MICAL3: variants seen among roughly 807,000 people sequenced by gnomAD.
MICAL3 encodes [F-actin]-monooxygenase MICAL3.
Under a neutral mutation model 207.4 loss-of-function variants are expected in MICAL3, and 62 were observed. The observed-to-expected ratio is 0.30, with a 90% CI of 0.24 to 0.37. The LOEUF is 0.37. Among genes scored for constraint, MICAL3 ranks in the 10% least tolerant of loss-of-function variants. MICAL3 has a pLI of 1.00. For synonymous variants in MICAL3, 1,077 were observed against 1,069.3 expected (o/e 1.01, Z -0.14); for missense variants, 2,368 against 2,635.6 (o/e 0.90, Z 2.22).
intron 1 of MICAL3, among the ~76,000 whole-genome samples, chr22:17,976,339 A>G (rs886958219): frequency 1.3e-5 from 2 of 152,040 alleles, no homozygotes; most frequent in African/African-American, 4.8e-5. Flanking sequence ...AGTTAAGGTT[A>G]CACTGGGAAA....
At chr22:17,866,492 CCTAT>C (rs1018931577) in intron 17 of MICAL3, among the ~76,000 whole-genome samples, 3 of 152,216 alleles carry the variant, frequency 2.0e-5, no homozygotes, top group Admixed American at 6.5e-5. Context: ...CCTCCCGCAC[CCTAT>C]CTCTCACCCC....
At chr22:17,905,775 G>A (rs142985871) in intron 2 of MICAL3, among the ~76,000 whole-genome samples, 368 of 152,258 alleles carry the variant, frequency 2.4e-3, no homozygotes, top group Non-Finnish European at 4.2e-3. Flanking sequence ...CTCCATATCC[G>A]CTTCCTCGCA....
chr22:17,841,857 C>A lies in MICAL3; in HGVS notation c.2766G>T (p.Val922=), dbSNP rs1924049050. Residue 922 remains valine, a synonymous_variant, in exon 20 of 32, where the codon GTG becomes GTT. Transcript: ENST00000441493. The surrounding 1 kb of genome is among the most constrained non-coding windows in gnomAD (Gnocchi z 4.2). ...ETQAEHNLSS[V]LDTGAEEDVA... ...CGTCCTCCTCGGCGCCCGTGTCCAG[C>A]ACGCTGCTCAGGTTGTGCTCGGCCT... 6.4e-7 allele frequency: 1 copy of A among 1,566,604 alleles called. No homozygotes were observed. The highest frequency in any genetic ancestry group is 2.4e-5 in the East Asian group (1 of 42,116).
At chr22:17,952,797 A>G (rs1274951346) in intron 1 of MICAL3, among the ~76,000 whole-genome samples, 1 of 152,168 alleles carries the variant, frequency 6.6e-6, no homozygotes, top group African/African-American at 2.4e-5. Context: ...TGGAAAGAAC[A>G]CTGGGACTTG....
At chr22:17,907,600 A>G (rs1186156368) in intron 1 of MICAL3, among the ~76,000 whole-genome samples, 1 of 152,220 alleles carries the variant, frequency 6.6e-6, no homozygotes, top group Non-Finnish European at 1.5e-5. Context: ...GTAGCTAAGC[A>G]TACAAAAGCA....
chr22:17,926,716 C>G (rs968760246), intron 1 of MICAL3, among the ~76,000 whole-genome samples: 3 of 152,336 alleles, frequency 2.0e-5, no homozygotes, highest in African/African-American at 7.2e-5. Flanking sequence ...GAGGCGTGGG[C>G]GTGCAGGCAA....
intron 22 of MICAL3, 142 bp downstream of exon 22, chr22:17,827,502 C>T (rs1396555220): frequency 3.8e-6 from 3 of 799,906 alleles, no homozygotes; most frequent in East Asian, 2.8e-5. Flanking sequence ...TCACAACTGA[C>T]AGCAGCAAAG....
chr22:17,904,260 T>A (rs930528877), intron 3 of MICAL3, among the ~76,000 whole-genome samples: 1 of 152,244 alleles, frequency 6.6e-6, no homozygotes, highest in Non-Finnish European at 1.5e-5. Context: ...TGTGTACTTC[T>A]GCCACTGCAA....
chr22:17,905,758 T>C (rs1351662751), intron 2 of MICAL3, among the ~76,000 whole-genome samples: 1 of 152,198 alleles, frequency 6.6e-6, no homozygotes, highest in Non-Finnish European at 1.5e-5. Flanking sequence ...AAGCAGGAAA[T>C]GTACCTCTCC....
intron 27 of MICAL3, chr22:17,812,534 C>T (rs2145994313): frequency 1.0e-6 from 1 of 985,796 alleles, no homozygotes; most frequent in Non-Finnish European, 1.2e-6. Flanking sequence ...TCCTGAATGC[C>T]AAGGCGTGTG....
intron 19 of MICAL3, chr22:17,863,461 TGA>T: frequency 9.1e-6 from 9 of 985,476 alleles, no homozygotes; most frequent in Non-Finnish European, 1.1e-5. Flanking sequence ...GCCCATGCTC[TGA>T]GAGTGTCAGC....
At chr22:17,854,084 T>C (rs758305209) in intron 19 of MICAL3, among the ~76,000 whole-genome samples, 7 of 152,218 alleles carry the variant, frequency 4.6e-5, no homozygotes, top group Non-Finnish European at 1.0e-4. Context: ...TCTCCCACAA[T>C]ATAACTGAGG....
At chr22:17,967,353 C>T (rs1935185792) in intron 1 of MICAL3, among the ~76,000 whole-genome samples, 1 of 144,856 alleles carries the variant, frequency 6.9e-6, no homozygotes, top group Non-Finnish European at 1.6e-5. Flanking sequence ...ATCTACATAC[C>T]CTGCAAAAAA....
intron 1 of MICAL3, among the ~76,000 whole-genome samples, chr22:17,917,639 G>C (rs1360649556): frequency 2.6e-5 from 4 of 152,090 alleles, no homozygotes; most frequent in Non-Finnish European, 4.4e-5. Flanking sequence ...CCACATCCCA[G>C]CCCCAGGTCA....
chr22:17,818,482 C>A lies in MICAL3; in HGVS notation c.4179G>T (p.Lys1393Asn). The stretch of plus-strand genomic sequence containing the variant: ...GCAGGGACAACGGCTCGCCTTCCGG[C>A]TTTGGCAGGCCCAGCCTTTTGGGGA... ...LSIPKRLGLP[K>N]PEGEPLSLPT... is the part of the protein sequence containing the mutation. The change falls in exon 26 of 32, where the codon AAG (lysine) becomes AAT (asparagine). Residue 1393 changes from lysine to asparagine, a missense_variant. Transcript: ENST00000441493. 6.2e-7 allele frequency: 1 copy of A among 1,612,904 alleles called. No homozygotes were observed. Among genetic ancestry groups the A allele is most frequent in the Middle Eastern group, 1.6e-4 (1 of 6,062 alleles).
At chr22:18,018,740 ATATC>A (rs3083137) in intron 1 of MICAL3, among the ~76,000 whole-genome samples, 40,742 of 149,800 alleles carry the variant, frequency 0.27, 8,145 homozygotes, top group African/African-American at 0.57. Flanking sequence ...AAAATAAAAA[ATATC>A]TATCTATCTA....
At chr22:17,909,874 C>CCT (rs1035446422) in intron 1 of MICAL3, among the ~76,000 whole-genome samples, 73 of 152,224 alleles carry the variant, frequency 4.8e-4, no homozygotes, top group African/African-American at 1.4e-3. Flanking sequence ...CATCAGGGAC[C>CCT]CTCTTTGCCT....
At chr22:18,018,172 C>A (rs1238290001) in intron 1 of MICAL3, among the ~76,000 whole-genome samples, 4 of 152,136 alleles carry the variant, frequency 2.6e-5, no homozygotes, top group Non-Finnish European at 5.9e-5. Flanking sequence ...CTGCGCCCAG[C>A]CGATAGAAAT....
At chr22:17,962,596 G>C (rs373677009) in intron 1 of MICAL3, among the ~76,000 whole-genome samples, 1 of 151,038 alleles carries the variant, frequency 6.6e-6, no homozygotes, top group East Asian at 1.9e-4. Context: ...GGATGGGTTA[G>C]AACTGCAGCA....
Sources: gnomAD v4.1 joint callset for allele counts (sites outside exome capture counted in the v4.1 genomes callset) on GRCh38, gnomAD v4.1.1 for gene constraint, Gnocchi (gnomAD v3.1) non-coding constraint, MANE v1.5 for transcripts, NCBI Gene and HGNC (gene_info 2026-07-23, HGNC 2026-07-21) for gene names.